Variants in ADAM23 observed in about 807,000 individuals in gnomAD.
The protein encoded by ADAM23 is disintegrin and metalloproteinase domain-containing protein 23.
A neutral mutation model predicts 120.1 loss-of-function variants in ADAM23; 33 were observed. That is an observed-to-expected ratio of 0.27 (90% CI 0.21 to 0.37). ADAM23 has a LOEUF of 0.37. ADAM23 is among the 10% of genes least tolerant of loss of function. ADAM23 has a pLI of 1.00. For missense variants in ADAM23, 862 were observed against 1,058.2 expected, an observed-to-expected ratio of 0.81 and a Z score of 2.57; for synonymous variants, 367 against 375.2, an observed-to-expected ratio of 0.98 and a Z score of 0.25.
In ADAM23 at chr2:206,619,515, C is replaced by G. The variant is rs904420214; in HGVS notation, c.*1888C>G. On this transcript the variant is annotated 3_prime_UTR_variant, in exon 26 of 26. Coordinates refer to ENST00000264377, the MANE Select transcript of ADAM23 (RefSeq NM_003812.4). ...GAGCCCCTACTTCTCTAATGCCCCC[C>G]CCCTTTTTTTTTTAGGAAAAGAACA... The G allele has an allele frequency of 6.6e-6, 1 of 151,888 alleles. No individual in the cohort carries two copies. Among genetic ancestry groups the G allele is most frequent in the African/African-American group, 2.4e-5 (1 of 41,244 alleles). 9.4% of individuals were successfully genotyped at this position (151,888 alleles called of 1,614,324 possible).
rs78337453 is a variant in ADAM23, at chr2:206,588,826, C to G, written c.1853-583C>G. Among the ~76,000 whole-genome samples the G allele has an allele frequency of 4.0e-3, 616 of 152,292 alleles. 2 individuals carry two copies. Among genetic ancestry groups the G allele is most frequent in the African/African-American group, 0.014 (568 of 41,554 alleles). ...AAGCACACAGAATGAGAACAGGGCT[C>G]TGGCATGAGTGATTTTAGAGTTTGG... is the stretch of plus-strand genomic sequence containing the variant. On this transcript the variant is annotated intron_variant, in intron 20 of 25. Transcript: ENST00000264377.
At chr2:206,583,014 C>G (rs1437908096) in intron 18 of ADAM23, among the ~76,000 whole-genome samples, 1 of 152,188 alleles carries the variant, frequency 6.6e-6, no homozygotes, top group Non-Finnish European at 1.5e-5. Flanking sequence ...TCTGGATAAC[C>G]TGATGACAAT....
intron 3 of ADAM23, among the ~76,000 whole-genome samples, chr2:206,526,277 C>T (rs1696946948): frequency 6.6e-6 from 1 of 152,052 alleles, no homozygotes; most frequent in Admixed American, 6.6e-5. Flanking sequence ...AATAGCAGCT[C>T]TGCTTGTATA....
chr2:206,589,114 T>C (rs1698380050), intron 20 of ADAM23, among the ~76,000 whole-genome samples: 1 of 152,192 alleles, frequency 6.6e-6, no homozygotes, highest in Non-Finnish European at 1.5e-5. Context: ...CCAACAAGGA[T>C]TGGAGAGAAA....
At position 206,562,318 on chromosome 2, in the gene ADAM23, A is replaced by T. The variant is rs1385089030; in HGVS notation, c.1345+25A>T. The T allele has an allele frequency of 3.2e-6, 5 of 1,566,382 alleles. No individual in the cohort carries two copies. In the Admixed American group the frequency reaches 8.4e-5, roughly 26 times the overall value. ...AGTATGTACACTGACCTTCTTACTC[A>T]TTTTCATGTGCCATTCTGTCTGTAT... is the stretch of plus-strand genomic sequence containing the variant. On this transcript the variant is annotated intron_variant, in intron 13 of 25. Coordinates refer to ENST00000264377, the MANE Select transcript of ADAM23 (RefSeq NM_003812.4).
chr2:206,573,784 C>G (rs190479349), intron 18 of ADAM23, among the ~76,000 whole-genome samples: 2 of 151,928 alleles, frequency 1.3e-5, no homozygotes, highest in Non-Finnish European at 2.9e-5. Context: ...TGTTTTAAAC[C>G]TTTGAAAAGG....
intron 3 of ADAM23, among the ~76,000 whole-genome samples, chr2:206,494,343 T>G (rs766756983): frequency 6.6e-6 from 1 of 152,212 alleles, no homozygotes; most frequent in Non-Finnish European, 1.5e-5. Context: ...AGCTAATACT[T>G]GACCCTAAAA....
chr2:206,534,073 G>A (rs1319365983), intron 4 of ADAM23, among the ~76,000 whole-genome samples: 1 of 152,006 alleles, frequency 6.6e-6, no homozygotes, highest in Admixed American at 6.5e-5. Flanking sequence ...ATTGTTTTTA[G>A]TATATCTACA....
At chr2:206,536,214 T>C (rs189687488) in intron 4 of ADAM23, among the ~76,000 whole-genome samples, 83 of 151,358 alleles carry the variant, frequency 5.5e-4, no homozygotes, top group Non-Finnish European at 8.3e-4. Flanking sequence ...GCTATTCCAT[T>C]GCGTGTGTGT....
At chr2:206,453,345 C>G (rs1695234884) in intron 2 of ADAM23, among the ~76,000 whole-genome samples, 1 of 152,224 alleles carries the variant, frequency 6.6e-6, no homozygotes. Context: ...AACATCATGT[C>G]ATCTCCATCT....
intron 4 of ADAM23, among the ~76,000 whole-genome samples, chr2:206,540,026 G>T (rs1209012717): frequency 6.6e-6 from 1 of 152,008 alleles, no homozygotes; most frequent in Non-Finnish European, 1.5e-5. Flanking sequence ...AAAAAATACA[G>T]TGATTCAAGG....
rs1292744686 is a variant in ADAM23 at position 206,496,131 on chromosome 2, C to G, written c.509+14823C>G. 7.2e-5 allele frequency among the ~76,000 whole-genome samples: 11 copies of G among 152,122 alleles called. 1 individual carries two copies. Among genetic ancestry groups the G allele is most frequent in the Admixed American group, 7.2e-4 (11 of 15,276 alleles). ...AACAAGGATATCCAGGAATTGAACT[C>G]AGCTCTGCACCAAGCAGACCTAATA... On this transcript the variant is annotated intron_variant, in intron 3 of 25. Transcript: ENST00000264377.
At chr2:206,579,042 T>C (rs1437415990) in intron 18 of ADAM23, among the ~76,000 whole-genome samples, 1 of 152,198 alleles carries the variant, frequency 6.6e-6, no homozygotes, top group East Asian at 1.9e-4. Flanking sequence ...ATATCTTCTT[T>C]TGAGAATTGT....
chr2:206,486,462 A>G (rs1177912751), intron 3 of ADAM23, among the ~76,000 whole-genome samples: 1 of 152,106 alleles, frequency 6.6e-6, no homozygotes, highest in Non-Finnish European at 1.5e-5. Flanking sequence ...AGTCCTTGGA[A>G]GTCTCAGAAG....
chr2:206,572,294 C>T (rs1230236852), intron 17 of ADAM23, among the ~76,000 whole-genome samples: 2 of 152,164 alleles, frequency 1.3e-5, no homozygotes, highest in African/African-American at 4.8e-5. Context: ...CATATGAATG[C>T]ACACTCATAT....
At chr2:206,526,171 C>CACACACAG (rs1696943361) in intron 3 of ADAM23, among the ~76,000 whole-genome samples, 1 of 147,530 alleles carries the variant, frequency 6.8e-6, no homozygotes, top group African/African-American at 2.5e-5. Flanking sequence ...CACACACACA[C>CACACACAG]ACACACACAG....
At position 206,594,851 on chromosome 2, in the gene ADAM23, A is replaced by G. The variant is rs758887298; in HGVS notation, c.2193A>G (p.Leu731=). Residue 731 remains leucine, a synonymous_variant, in exon 23 of 26, where the codon CTA becomes CTG. Coordinates refer to ENST00000264377, the MANE Select transcript of ADAM23 (RefSeq NM_003812.4). ...LDRKCLQIQA[L]NMSSCPLDSK... is the part of the protein sequence containing the mutation. ...GGAAGTGCCTACAAATTCAAGCCCT[A>G]AATATGAGCAGCTGTCCACTCGATT... 9 of 1,614,182 alleles carry G rather than the reference A, an allele frequency of 5.6e-6. No homozygotes were observed. In the South Asian group the frequency reaches 9.9e-5, roughly 18 times the overall value.
At chr2:206,583,124 G>A (rs866325587) in intron 18 of ADAM23, among the ~76,000 whole-genome samples, 1 of 152,052 alleles carries the variant, frequency 6.6e-6, no homozygotes, top group Non-Finnish European at 1.5e-5. Context: ...AGTTTGCCTC[G>A]ATTATTCCCT....
chr2:206,549,089 G>C (rs1288850438), intron 8 of ADAM23, among the ~76,000 whole-genome samples: 1 of 151,710 alleles, frequency 6.6e-6, no homozygotes, highest in African/African-American at 2.4e-5. Context: ...TACATTACAT[G>C]GTAATTTACT....
Sources: allele counts gnomAD v4.1 joint callset (sites outside exome capture counted in the v4.1 genomes callset), GRCh38; gene constraint gnomAD v4.1.1; transcripts MANE v1.5; gene names NCBI Gene and HGNC (gene_info 2026-07-23, HGNC 2026-07-21).